PPM1L: variants seen among roughly 807,000 people sequenced by gnomAD.
PPM1L encodes the protein protein phosphatase, Mg2+/Mn2+ dependent 1L.
A neutral mutation model predicts 31.4 loss-of-function variants in PPM1L; 13 were observed. That is an observed-to-expected ratio of 0.41 (90% confidence interval 0.27 to 0.66). The LOEUF (loss-of-function observed/expected upper bound fraction) is 0.66. Among genes scored for constraint, PPM1L ranks in the 30% least tolerant of loss-of-function variants. PPM1L has a pLI of 0.29. For synonymous variants in PPM1L, 184 were observed against 175.4 expected (o/e 1.05, Z -0.39); for missense variants, 326 against 453.7 (o/e 0.72, Z 2.56).
intron 1 of PPM1L, among the ~76,000 whole-genome samples, chr3:160,794,107 A>G (rs1400572133): frequency 6.6e-6 from 1 of 150,526 alleles, no homozygotes; most frequent in South Asian, 2.1e-4. Context: ...AACTTTGAGC[A>G]CCTCAGCCAC....
chr3:161,045,611 C>A (rs1485059933), intron 2 of PPM1L, among the ~76,000 whole-genome samples: 2 of 152,186 alleles, frequency 1.3e-5, no homozygotes, highest in African/African-American at 4.8e-5. Context: ...CTCTTGGACA[C>A]ATTTAAAGCA....
intron 2 of PPM1L, among the ~76,000 whole-genome samples, chr3:160,966,991 A>G (rs149716554): frequency 6.6e-6 from 1 of 152,158 alleles, no homozygotes; most frequent in African/African-American, 2.4e-5. Flanking sequence ...TCCCCACTCA[A>G]ATCTCATCTT....
intron 2 of PPM1L, among the ~76,000 whole-genome samples, chr3:160,978,521 G>T (rs1270553747): frequency 1.2e-4 from 19 of 152,098 alleles, no homozygotes; most frequent in Admixed American, 1.2e-3. Flanking sequence ...GTCATTTCTT[G>T]CATAACAACC....
chr3:160,974,642 A>C (rs1716498646), intron 2 of PPM1L, among the ~76,000 whole-genome samples: 2 of 150,200 alleles, frequency 1.3e-5, no homozygotes, highest in African/African-American at 4.9e-5. Flanking sequence ...GCATTTTTTC[A>C]TGTGTTTTTT....
intron 2 of PPM1L, among the ~76,000 whole-genome samples, chr3:161,022,959 CA>C (rs1172410611): frequency 6.6e-6 from 1 of 152,130 alleles, no homozygotes; most frequent in Non-Finnish European, 1.5e-5. Context: ...CCACTGTGCC[CA>C]GCCTCTCCTT....
At chr3:161,060,685 T>C (rs1007677025) in intron 2 of PPM1L, among the ~76,000 whole-genome samples, 4 of 151,506 alleles carry the variant, frequency 2.6e-5, no homozygotes, top group Non-Finnish European at 4.4e-5. Context: ...AAACCTCACT[T>C]AGCTAGGACA....
chr3:161,059,595 A>G (rs544903502), intron 2 of PPM1L, among the ~76,000 whole-genome samples: 45 of 152,192 alleles, frequency 3.0e-4, no homozygotes, highest in African/African-American at 1.0e-3. Flanking sequence ...GGTGCTTTTA[A>G]TATTCTAGAC....
At chr3:160,965,902 C>A (rs563485083) in intron 2 of PPM1L, among the ~76,000 whole-genome samples, 1 of 152,180 alleles carries the variant, frequency 6.6e-6, no homozygotes, top group East Asian at 1.9e-4. Context: ...AGCGTCTAAA[C>A]TTCTATTAAT....
chr3:160,874,698 T>A (rs1459124437), intron 1 of PPM1L, among the ~76,000 whole-genome samples: 1 of 152,196 alleles, frequency 6.6e-6, no homozygotes, highest in Non-Finnish European at 1.5e-5. Flanking sequence ...TTAATAATGA[T>A]GTGTGGGTTC....
At chr3:160,821,061 G>A (rs771631529) in intron 1 of PPM1L, among the ~76,000 whole-genome samples, 4 of 152,036 alleles carry the variant, frequency 2.6e-5, no homozygotes, top group Non-Finnish European at 5.9e-5. Flanking sequence ...AAGACAGCCT[G>A]TATTTTGTAG....
At chr3:160,985,432 CA>C (rs1252829969) in intron 2 of PPM1L, among the ~76,000 whole-genome samples, 1 of 152,154 alleles carries the variant, frequency 6.6e-6, no homozygotes, top group Non-Finnish European at 1.5e-5. Flanking sequence ...GTGGTTGGAC[CA>C]ATCAGGCATG....
At chr3:160,808,325 G>A (rs1560112592) in intron 1 of PPM1L, among the ~76,000 whole-genome samples, 1 of 144,582 alleles carries the variant, frequency 6.9e-6, no homozygotes, top group Non-Finnish European at 1.5e-5. Flanking sequence ...GTGTGTGCGT[G>A]CATGTGTGGT....
chr3:161,040,501 A>G (rs145211995), intron 2 of PPM1L, among the ~76,000 whole-genome samples: 1 of 152,236 alleles, frequency 6.6e-6, no homozygotes, highest in Non-Finnish European at 1.5e-5. Flanking sequence ...AAAGTTAAAC[A>G]TGCGAACTGA....
At chr3:160,860,061 G>A (rs1047519966) in intron 1 of PPM1L, among the ~76,000 whole-genome samples, 2 of 152,182 alleles carry the variant, frequency 1.3e-5, no homozygotes, top group African/African-American at 4.8e-5. Context: ...GAATGAATGA[G>A]CCTAACTAAT....
At chr3:161,034,668 A>C in intron 2 of PPM1L, among the ~76,000 whole-genome samples, 1 of 150,570 alleles carries the variant, frequency 6.6e-6, no homozygotes, top group African/African-American at 2.5e-5. Context: ...CACAGAGGGG[A>C]CCATCACACA....
chr3:160,916,061 G>T (rs935862669), intron 1 of PPM1L, among the ~76,000 whole-genome samples: 14 of 152,172 alleles, frequency 9.2e-5, no homozygotes, highest in Non-Finnish European at 2.9e-5. Flanking sequence ...AGACAAATGG[G>T]ATCTAATTAA....
chr3:160,821,853 TA>T lies in PPM1L; in HGVS notation c.399+65154del, dbSNP rs5853905. On this transcript the variant is annotated intron_variant, in intron 1 of 3. Transcript: ENST00000498165. ...ATGTGCCTTCTTTTAATTCCTTTTT[TA>T]AAAAAAATTAGTAATGGTATTATTA... Among the ~76,000 whole-genome samples the T allele has an allele frequency of 6.2e-4, 94 of 151,860 alleles. 1 individual carries two copies. The highest frequency in any genetic ancestry group is 1.9e-3 in the African/African-American group (79 of 41,444).
chr3:161,014,596 C>T (rs1718019693), intron 2 of PPM1L, among the ~76,000 whole-genome samples: 1 of 151,674 alleles, frequency 6.6e-6, no homozygotes, highest in African/African-American at 2.4e-5. Context: ...TGCCTCAGCC[C>T]CCTGAGTAGC....
rs150326570 is a variant in PPM1L at position 160,989,137 on chromosome 3, TC to T, written c.574+27228del. ...TGAAGAATATGAGCACTTCAGTGCT[TC>T]ATGCTAAAGCCCTGCGTTTCCTATT... is the stretch of plus-strand genomic sequence containing the variant. On this transcript the variant is annotated intron_variant, in intron 2 of 3. Coordinates refer to ENST00000498165, the MANE Select transcript of PPM1L (RefSeq NM_139245.4). Among the ~76,000 whole-genome samples, 1,354 of 152,320 alleles carry T rather than the reference TC, an allele frequency of 8.9e-3. 27 individuals are homozygous for T. Among genetic ancestry groups the T allele is most frequent in the African/African-American group, 0.03 (1,258 of 41,572 alleles).
Sources: gnomAD v4.1 joint callset for allele counts (sites outside exome capture counted in the v4.1 genomes callset) on GRCh38, gnomAD v4.1.1 for gene constraint, MANE v1.5 for transcripts, NCBI Gene and HGNC (gene_info 2026-07-23, HGNC 2026-07-21) for gene names.